The following ABI1 variants were observed in gnomAD, a reference collection of about 807,000 sequenced individuals.
ABI1 encodes the protein abl interactor 1, also known as Abelson interactor 1.
Under a neutral mutation model 54.6 loss-of-function variants are expected in ABI1, and 14 were observed. That is an observed-to-expected ratio of 0.26 (90% confidence interval 0.17 to 0.40). The LOEUF is 0.40. Ranked by LOEUF, ABI1 falls within the 10% of genes least tolerant of loss-of-function variation. The pLI, the probability that ABI1 is intolerant of heterozygous loss-of-function variation, is 1.00. For synonymous variants in ABI1, 194 were observed against 209.3 expected, an observed-to-expected ratio of 0.93 and a Z score of 0.63; for missense variants, 443 against 598.3, an observed-to-expected ratio of 0.74 and a Z score of 2.71.
At chr10:26,752,023 T>G (rs1025666850) in intron 9 of ABI1, among the ~76,000 whole-genome samples, 92 of 152,344 alleles carry the variant, frequency 6.0e-4, no homozygotes, top group African/African-American at 2.1e-3. Flanking sequence ...ATGCAGGGTG[T>G]TAGGAGACAA....
intron 2 of ABI1, among the ~76,000 whole-genome samples, chr10:26,798,411 GGCCATTGGTGACTTAAA>G (rs1399569271): frequency 1.3e-5 from 2 of 151,962 alleles, no homozygotes; most frequent in Non-Finnish European, 2.9e-5. Flanking sequence ...AGACTCAACT[GGCCATTGGTGACTTAAA>G]GATGGATGAA....
chr10:26,774,477 A>T (rs1050090964), intron 3 of ABI1, among the ~76,000 whole-genome samples: 1 of 152,164 alleles, frequency 6.6e-6, no homozygotes, highest in Non-Finnish European at 1.5e-5. Flanking sequence ...TACAAAGATC[A>T]TCTTCTTTTC....
Position 26,748,532 on chromosome 10 carries a change from CTGAG to C in ABI1, c.*34_*37del, listed in dbSNP as rs768975419. ...TAACCATAATAGTCCCACAGTATGA[CTGAG>C]TAATAAGAATCTACTTCAAAAGAAA... On this transcript the variant is annotated 3_prime_UTR_variant, in exon 11 of 11. Transcript: ENST00000376140. The C allele has an allele frequency of 1.9e-5, 28 of 1,482,056 alleles. No individual in the cohort carries two copies. The highest frequency in any genetic ancestry group is 2.3e-5 in the Non-Finnish European group (25 of 1,083,826). 91.8% of individuals were successfully genotyped at this position (1,482,056 alleles called of 1,614,324 possible).
intron 1 of ABI1, among the ~76,000 whole-genome samples, chr10:26,831,028 C>T (rs2048637720): frequency 6.6e-6 from 1 of 152,132 alleles, no homozygotes; most frequent in South Asian, 2.1e-4. Flanking sequence ...TCCTGAGTTG[C>T]TGGGACTGAT....
chr10:26,760,888 C>CAAAAAAAA (rs57750390), intron 7 of ABI1, among the ~76,000 whole-genome samples: 1 of 49,444 alleles, frequency 2.0e-5, no homozygotes, highest in Non-Finnish European at 3.8e-5. Context: ...GACTCCATCT[C>CAAAAAAAA]AAAAAAAAAA....
Position 26,768,884 on chromosome 10 carries a change from T to C in ABI1, c.687A>G (p.Thr229=). 1.2e-6 allele frequency: 2 copies of C among 1,613,684 alleles called. No individual in the cohort carries two copies. Among genetic ancestry groups the C allele is most frequent in the Non-Finnish European group, 1.7e-6 (2 of 1,179,716 alleles). Residue 229 remains threonine, a synonymous_variant, in exon 6 of 11, where the codon ACA becomes ACG. Coordinates refer to ENST00000376140, the MANE Select transcript of ABI1 (RefSeq NM_001012750.3). ...TCCTTGGTCTCTGATTTAAAGATGC[T>C]GTCCTGCCTGGACTATGCTGACTTC... The part of the protein sequence containing the change: ...RLGSQHSPGR[T]ASLNQRPRTH...
intron 1 of ABI1, among the ~76,000 whole-genome samples, chr10:26,838,534 G>GC (rs1170027869): frequency 6.6e-6 from 1 of 152,170 alleles, no homozygotes; most frequent in Non-Finnish European, 1.5e-5. Flanking sequence ...AATACTATAG[G>GC]CCCTTGAGAG....
intron 2 of ABI1, among the ~76,000 whole-genome samples, chr10:26,788,178 C>G (rs1312492492): frequency 6.6e-6 from 1 of 152,174 alleles, no homozygotes; most frequent in South Asian, 2.1e-4. Context: ...CTTTTGCATC[C>G]TTCTCATTTT....
At position 26,747,796 on chromosome 10, in the gene ABI1, A is replaced by G. The variant is rs1837104188; in HGVS notation, c.*774T>C. The G allele has an allele frequency of 5.1e-6, 1 of 195,364 alleles. No homozygotes were observed. Among genetic ancestry groups the G allele is most frequent in the Non-Finnish European group, 1.1e-5 (1 of 94,196 alleles). 12.1% of individuals were successfully genotyped at this position (195,364 alleles called of 1,614,324 possible). On this transcript the variant is annotated 3_prime_UTR_variant, in exon 11 of 11. Coordinates refer to ENST00000376140, the MANE Select transcript of ABI1 (RefSeq NM_001012750.3). ...TTTTTTTCCAAGTTAACATATTGAG[A>G]AAATAGAATCATAATTCTGCAATAA...
At chr10:26,849,843 G>A (rs943556625) in intron 1 of ABI1, among the ~76,000 whole-genome samples, 5 of 152,170 alleles carry the variant, frequency 3.3e-5, no homozygotes, top group South Asian at 2.1e-4. Context: ...AATGAAATGT[G>A]TCAACATTCA....
intron 2 of ABI1, among the ~76,000 whole-genome samples, chr10:26,780,228 A>G (rs1292372162): frequency 6.6e-6 from 1 of 152,040 alleles, no homozygotes; most frequent in Non-Finnish European, 1.5e-5. Context: ...CATAATGATG[A>G]CCTTTTGTGT....
intron 1 of ABI1, among the ~76,000 whole-genome samples, chr10:26,823,746 T>C (rs1250725157): frequency 6.6e-6 from 1 of 152,184 alleles, no homozygotes; most frequent in African/African-American, 2.4e-5. Flanking sequence ...TTGTTATCTA[T>C]GATGATTCAA....
intron 2 of ABI1, among the ~76,000 whole-genome samples, chr10:26,791,005 A>T (rs1196251743): frequency 5.4e-5 from 8 of 146,796 alleles, no homozygotes; most frequent in African/African-American, 2.0e-4. Flanking sequence ...CAAGAGGTCA[A>T]GGCTGCAGTG....
chr10:26,804,000 A>T (rs77918957), intron 2 of ABI1, among the ~76,000 whole-genome samples: 2 of 88,030 alleles, frequency 2.3e-5, no homozygotes, highest in Non-Finnish European at 2.3e-5. Context: ...AGGATGAAAT[A>T]AAAAAAAAAA....
At chr10:26,802,883 C>T (rs1335401970) in intron 2 of ABI1, among the ~76,000 whole-genome samples, 1 of 152,152 alleles carries the variant, frequency 6.6e-6, no homozygotes, top group Admixed American at 6.5e-5. Flanking sequence ...GAACTGTGAT[C>T]CAAGTCACAG....
At chr10:26,783,896 G>T (rs1357874367) in intron 2 of ABI1, among the ~76,000 whole-genome samples, 1 of 152,164 alleles carries the variant, frequency 6.6e-6, no homozygotes, top group Non-Finnish European at 1.5e-5. Context: ...AGGGCCCTTT[G>T]TCACTCTTGC....
At chr10:26,807,132 A>G (rs2046924821) in intron 2 of ABI1, among the ~76,000 whole-genome samples, 1 of 152,186 alleles carries the variant, frequency 6.6e-6, no homozygotes, top group Non-Finnish European at 1.5e-5. Flanking sequence ...TTTCAAGGGC[A>G]GAAAAATTAA....
In ABI1 at chr10:26,854,226, A is replaced by C. The variant is rs1013375352; in HGVS notation, c.117+6521T>G. 2.0e-5 allele frequency among the ~76,000 whole-genome samples: 3 copies of C among 152,224 alleles called. 1 individual carries two copies. Among genetic ancestry groups the C allele is most frequent in the South Asian group, 4.1e-4 (2 of 4,836 alleles). On this transcript the variant is annotated intron_variant, in intron 1 of 10. Coordinates refer to ENST00000376140, the MANE Select transcript of ABI1 (RefSeq NM_001012750.3). Reference sequence around the variant, plus strand: ...AGAAGCATGCTAAAATTGAGGTTCTAAACAGACCAGGACTAGTCAGAAGTA... The same window carrying C: ...AGAAGCATGCTAAAATTGAGGTTCTCAACAGACCAGGACTAGTCAGAAGTA...
In ABI1 at chr10:26,748,446, C is replaced by G. The variant is rs1294337467; in HGVS notation, c.*124G>C. ...GCTTACAGGTAGACATTCAATTTACCAATAAAACAGCATGTTCTGAAAATA... is the reference window on the plus strand; with the variant it reads ...GCTTACAGGTAGACATTCAATTTACGAATAAAACAGCATGTTCTGAAAATA... On this transcript the variant is annotated 3_prime_UTR_variant, in exon 11 of 11. Coordinates refer to ENST00000376140, the MANE Select transcript of ABI1 (RefSeq NM_001012750.3). 1.4e-6 allele frequency: 1 copy of G among 705,942 alleles called. No homozygotes were observed. Among genetic ancestry groups the G allele is most frequent in the African/African-American group, 1.8e-5 (1 of 56,080 alleles). 43.7% of individuals were successfully genotyped at this position (705,942 alleles called of 1,614,324 possible). A position where few individuals can be genotyped will look rare whatever the true frequency, so the allele number is the denominator to read the frequency against.
Sources: allele counts gnomAD v4.1 joint callset (sites outside exome capture counted in the v4.1 genomes callset), GRCh38; gene constraint gnomAD v4.1.1; transcripts MANE v1.5; gene names NCBI Gene and HGNC (gene_info 2026-07-23, HGNC 2026-07-21).